The following PALM2AKAP2 variants were observed in gnomAD, a reference collection of about 807,000 sequenced individuals.
The protein encoded by PALM2AKAP2 is PALM2-AKAP2 fusion protein.
Under a neutral mutation model 71.5 loss-of-function variants are expected in PALM2AKAP2, and 37 were observed. That is an observed-to-expected ratio of 0.52 (90% CI 0.40 to 0.68). The LOEUF (loss-of-function observed/expected upper bound fraction) is 0.68. Ranked by LOEUF, PALM2AKAP2 falls within the 30% of genes least tolerant of loss-of-function variation. The pLI is 0.00. For missense variants in PALM2AKAP2, 1,224 were observed against 1,191.8 expected (o/e 1.03, Z -0.40); for synonymous variants, 468 against 478.8 (o/e 0.98, Z 0.29).
At chr9:110,133,111 T>C (rs938806108) in intron 1 of PALM2AKAP2, among the ~76,000 whole-genome samples, 12 of 152,244 alleles carry the variant, frequency 7.9e-5, no homozygotes, top group African/African-American at 2.9e-4. Flanking sequence ...AAGGGTGCCT[T>C]GGAAAGAGCT....
intron 1 of PALM2AKAP2, among the ~76,000 whole-genome samples, chr9:109,687,990 A>G (rs1827827298): frequency 6.6e-6 from 1 of 152,194 alleles, no homozygotes; most frequent in African/African-American, 2.4e-5. Context: ...TGATCAGTGG[A>G]GCAATCAGAC....
At chr9:110,043,159 C>T (rs1436219961) in intron 7 of PALM2AKAP2, among the ~76,000 whole-genome samples, 3 of 152,200 alleles carry the variant, frequency 2.0e-5, no homozygotes, top group Admixed American at 6.5e-5. Flanking sequence ...GCCTGGTCTT[C>T]ACCCCACACC....
intron 6 of PALM2AKAP2, among the ~76,000 whole-genome samples, chr9:109,937,703 A>C (rs151062800): frequency 6.6e-6 from 1 of 152,318 alleles, no homozygotes; most frequent in African/African-American, 2.4e-5. Context: ...CAGCCAGCCT[A>C]TCAGTGAAAC....
Position 109,794,995 on chromosome 9 carries a change from C to G in PALM2AKAP2, c.45+14462C>G, listed in dbSNP as rs192665668. On this transcript the variant is annotated intron_variant, in intron 1 of 9. Coordinates refer to the PALM2AKAP2 transcript ENST00000302798. ...TACATATGCTTGATCCTGAAATTCTCTAGATGGGCTACTTCTGAGCAGCTG... is the reference window on the plus strand; with the variant it reads ...TACATATGCTTGATCCTGAAATTCTGTAGATGGGCTACTTCTGAGCAGCTG... 4.7e-3 allele frequency among the ~76,000 whole-genome samples: 711 copies of G among 152,324 alleles called. 3 individuals carry two copies. The highest frequency in any genetic ancestry group is 8.0e-3 in the Admixed American group (123 of 15,304).
intron 1 of PALM2AKAP2, among the ~76,000 whole-genome samples, chr9:110,135,172 A>AAAT (rs1554755284): frequency 4.9e-4 from 30 of 61,086 alleles, no homozygotes; most frequent in East Asian, 5.8e-4. Flanking sequence ...AAAATATATA[A>AAAT]ATATATATAT....
intron 6 of PALM2AKAP2, among the ~76,000 whole-genome samples, chr9:109,986,665 A>T (rs1832384227): frequency 6.6e-6 from 1 of 152,226 alleles, no homozygotes; most frequent in South Asian, 2.1e-4. Flanking sequence ...AAATATTGAC[A>T]TTCTCTTGTA....
intron 6 of PALM2AKAP2, among the ~76,000 whole-genome samples, chr9:109,972,258 A>G (rs1832082450): frequency 6.6e-6 from 1 of 152,150 alleles, no homozygotes. Flanking sequence ...GGCCTAACAT[A>G]GGTGTGGATC....
intron 1 of PALM2AKAP2, among the ~76,000 whole-genome samples, chr9:110,129,269 T>C (rs568729430): frequency 3.3e-5 from 5 of 152,324 alleles, no homozygotes; most frequent in African/African-American, 1.2e-4. Context: ...TAAAGCTAAA[T>C]TGTGAGTCTC....
intron 6 of PALM2AKAP2, among the ~76,000 whole-genome samples, chr9:110,009,213 C>A (rs546592608): frequency 6.6e-6 from 1 of 151,994 alleles, no homozygotes; most frequent in African/African-American, 2.4e-5. Context: ...CAGTCAGTGT[C>A]CTTCCATGCG....
At chr9:109,819,147 T>G (rs1183522982) in intron 1 of PALM2AKAP2, among the ~76,000 whole-genome samples, 1 of 152,206 alleles carries the variant, frequency 6.6e-6, no homozygotes, top group East Asian at 1.9e-4. Flanking sequence ...GAGCATCTTA[T>G]AAGAAAAATT....
chr9:110,016,278 G>C (rs1832979557), intron 7 of PALM2AKAP2, among the ~76,000 whole-genome samples: 1 of 152,144 alleles, frequency 6.6e-6, no homozygotes, highest in Non-Finnish European at 1.5e-5. Flanking sequence ...ATCTGGATTA[G>C]GAAACTGCTT....
intron 6 of PALM2AKAP2, among the ~76,000 whole-genome samples, chr9:110,005,968 A>G (rs1832772557): frequency 1.3e-5 from 2 of 152,140 alleles, no homozygotes; most frequent in African/African-American, 4.8e-5. Flanking sequence ...GACCCCTTGC[A>G]CTTCCCAGGT....
intron 7 of PALM2AKAP2, among the ~76,000 whole-genome samples, chr9:110,040,555 C>T (rs1833493782): frequency 6.6e-6 from 1 of 152,062 alleles, no homozygotes. Flanking sequence ...GGTCTTTTTC[C>T]CCCTAATATG....
intron 1 of PALM2AKAP2, among the ~76,000 whole-genome samples, chr9:109,791,618 A>T (rs17804581): frequency 6.6e-6 from 1 of 152,204 alleles, no homozygotes; most frequent in African/African-American, 2.4e-5. Context: ...GAGAGGGTCC[A>T]TGTGCCAGCC....
intron 1 of PALM2AKAP2, among the ~76,000 whole-genome samples, chr9:109,770,387 G>C (rs1391660408): frequency 2.6e-5 from 4 of 152,124 alleles, no homozygotes; most frequent in Non-Finnish European, 4.4e-5. Context: ...CTCTGAGAAG[G>C]AGTCTATAGT....
chr9:110,014,837 T>C (rs1245048226), intron 6 of PALM2AKAP2, among the ~76,000 whole-genome samples: 11 of 99,338 alleles, frequency 1.1e-4, no homozygotes, highest in African/African-American at 3.9e-4. Flanking sequence ...TATATATATA[T>C]ATATATATAT....
At chr9:109,699,909 G>A (rs1439906758) in intron 1 of PALM2AKAP2, among the ~76,000 whole-genome samples, 2 of 151,952 alleles carry the variant, frequency 1.3e-5, no homozygotes, top group African/African-American at 4.8e-5. Flanking sequence ...CTGAGTAGCT[G>A]GGACTACAGG....
At chr9:110,166,606 G>A (rs759782639) in intron 3 of PALM2AKAP2, among the ~76,000 whole-genome samples, 6 of 152,324 alleles carry the variant, frequency 3.9e-5, no homozygotes, top group Non-Finnish European at 7.3e-5. Context: ...GAGTGACCGT[G>A]ATATGCTTAC....
chr9:109,864,529 A>G (rs1429334523), intron 1 of PALM2AKAP2, among the ~76,000 whole-genome samples: 2 of 152,252 alleles, frequency 1.3e-5, no homozygotes, highest in Admixed American at 6.5e-5. Flanking sequence ...TGAATGGAAC[A>G]TCCTCCTAAG....
Sources: gnomAD v4.1 joint callset for allele counts (sites outside exome capture counted in the v4.1 genomes callset) on GRCh38, gnomAD v4.1.1 for gene constraint, MANE v1.5 for transcripts, NCBI Gene and HGNC (gene_info 2026-07-23, HGNC 2026-07-21) for gene names.